The following DIP2A variants were observed in gnomAD, a reference collection of about 807,000 sequenced individuals.
DIP2A encodes disco-interacting protein 2 homolog A.
A neutral mutation model predicts 177.4 loss-of-function variants in DIP2A; 85 were observed. The observed-to-expected ratio is 0.48, with a 90% CI of 0.40 to 0.57. The LOEUF (loss-of-function observed/expected upper bound fraction) is 0.57. DIP2A is among the 20% of genes least tolerant of loss of function. The pLI is 0.00. For synonymous variants in DIP2A, 886 were observed against 881.8 expected, an observed-to-expected ratio of 1.00 and a Z score of -0.08; for missense variants, 1,791 against 2,100.2, an observed-to-expected ratio of 0.85 and a Z score of 2.88.
chr21:46,580,043 G>T, the DIP2A span, among the ~76,000 whole-genome samples: 2 of 152,192 alleles, frequency 1.3e-5, no homozygotes, highest in African/African-American at 4.8e-5. Flanking sequence ...AATATTGACA[G>T]TGGGGTGTTA....
intron 21 of DIP2A, among the ~76,000 whole-genome samples, chr21:46,547,568 CAAGCTCCTTGTCTGGGAGG>C (rs899149407): frequency 1.3e-5 from 2 of 151,858 alleles, no homozygotes; most frequent in Non-Finnish European, 1.5e-5. Context: ...CTTCTACTCC[CAAGCTCCTTGTCTGGGAGG>C]AAGCTCTTCC....
At chr21:46,466,592 C>T (rs908314608) in intron 1 of DIP2A, among the ~76,000 whole-genome samples, 1 of 151,700 alleles carries the variant, frequency 6.6e-6, no homozygotes, top group African/African-American at 2.4e-5. Context: ...GTGATCCGCC[C>T]GCATTGATCT....
intron 6 of DIP2A, among the ~76,000 whole-genome samples, chr21:46,508,484 G>A (rs899198699): frequency 1.4e-5 from 2 of 146,244 alleles, no homozygotes; most frequent in African/African-American, 2.5e-5. Flanking sequence ...TCAGCCTCCC[G>A]AGTAGCTGGG....
chr21:46,565,718 G>T lies in DIP2A; in HGVS notation c.4170G>T (p.Trp1390Cys). The T allele has an allele frequency of 1.2e-6, 2 of 1,613,486 alleles. No homozygotes were observed. Among genetic ancestry groups the T allele is most frequent in the Non-Finnish European group, 1.7e-6 (2 of 1,179,624 alleles). ...PLGDSHLGEI[W>C]VSSPHNATGY... The stretch of plus-strand genomic sequence containing the variant: ...TTGTCCTCTGGGCCCACCAGATCTG[G>T]GTAAGCAGCCCCCACAATGCCACCG... Residue 1390 changes from tryptophan to cysteine, a missense_variant, in exon 36 of 38, where the codon TGG becomes TGT. Transcript: ENST00000417564.
chr21:46,553,372 CT>C (rs2060341401), intron 25 of DIP2A: 1 of 152,252 alleles, frequency 6.6e-6, no homozygotes, highest in African/African-American at 2.4e-5. Flanking sequence ...CTGAATTGCA[CT>C]TTTTATCTTC....
chr21:46,542,533 G>T (rs2059859620), intron 18 of DIP2A, among the ~76,000 whole-genome samples: 2 of 152,262 alleles, frequency 1.3e-5, no homozygotes. Context: ...TGCAGAAGTT[G>T]GCTCTGTAGG....
At position 46,498,456 on chromosome 21, in the gene DIP2A, C is replaced by A; in HGVS notation, c.404-126C>A. ...TTTGAGCTGACTGCGTGGCTTTGGG[C>A]AGAGCTGTGCCAGGTGTACAGAAGC... On this transcript the variant is annotated intron_variant, in intron 4 of 37. Coordinates refer to ENST00000417564, the MANE Select transcript of DIP2A (RefSeq NM_015151.4). The surrounding 1 kb of genome is among the most constrained non-coding windows in gnomAD (Gnocchi z 4.3). The A allele has an allele frequency of 8.3e-7, 1 of 1,204,442 alleles. No individual in the cohort carries two copies. The highest frequency in any genetic ancestry group is 1.2e-6 in the Non-Finnish European group (1 of 859,536). 74.6% of individuals were successfully genotyped at this position (1,204,442 alleles called of 1,614,324 possible).
downstream of DIP2A, among the ~76,000 whole-genome samples, chr21:46,571,571 C>T (rs9982112): frequency 0.13 from 20,264 of 152,010 alleles, 1,885 homozygotes; most frequent in African/African-American, 0.27. Flanking sequence ...CTCTCCTATT[C>T]CCTTGTGCAG....
At chr21:46,531,222 G>A (rs774627886) in intron 9 of DIP2A, among the ~76,000 whole-genome samples, 6 of 152,050 alleles carry the variant, frequency 3.9e-5, no homozygotes, top group South Asian at 2.1e-4. Flanking sequence ...CAGGAGAACC[G>A]AGACCCTCAG....
In DIP2A at chr21:46,537,088, G is replaced by T; in HGVS notation, c.1643-136G>T. The T allele has an allele frequency of 1.2e-6, 1 of 804,442 alleles. No homozygotes were observed. Among genetic ancestry groups the T allele is most frequent in the Non-Finnish European group, 2.2e-6 (1 of 456,286 alleles). The allele number at this position is 804,442 out of a possible 1,614,324, so 49.8% of individuals were successfully genotyped here. On this transcript the variant is annotated intron_variant, in intron 13 of 37. Coordinates refer to ENST00000417564, the MANE Select transcript of DIP2A (RefSeq NM_015151.4). The surrounding 1 kb of genome is among the most constrained non-coding windows in gnomAD (Gnocchi z 4.1). ...AACCAGGATTATTATTAATTGGTATGTGGTATTTGGAAATGCTGTATCTGT... is the reference window on the plus strand; with the variant it reads ...AACCAGGATTATTATTAATTGGTATTTGGTATTTGGAAATGCTGTATCTGT...
rs200409878 is a variant in DIP2A, at chr21:46,547,039, G to C, written c.2519G>C (p.Gly840Ala). 2.5e-6 allele frequency: 4 copies of C among 1,613,808 alleles called. No individual in the cohort carries two copies. In the Admixed American group the frequency reaches 5.0e-5, roughly 20 times the overall value. ...GAGCCCATGAAGTTTGTCTACAGAG[G>C]CAGGTGATGCGCTGCGGACCCCCAC... ...AVEPMKFVYR[G>A]RIAVFSVTVL... is the part of the protein sequence containing the mutation. The change falls in exon 21 of 38, where the codon GGC becomes GCC. Residue 840 changes from glycine to alanine, a missense_variant. Transcript: ENST00000417564.
At chr21:46,528,118 G>A (rs553133320) in intron 8 of DIP2A, among the ~76,000 whole-genome samples, 21 of 152,262 alleles carry the variant, frequency 1.4e-4, no homozygotes, top group African/African-American at 4.8e-4. Context: ...GTAAAGAATG[G>A]ATGGCATTGA....
chr21:46,473,596 A>C (rs962042976), intron 1 of DIP2A, among the ~76,000 whole-genome samples: 1 of 151,956 alleles, frequency 6.6e-6, no homozygotes, highest in African/African-American at 2.4e-5. Context: ...GCTCACTGCA[A>C]CCTCCGCCTC....
intron 1 of DIP2A, among the ~76,000 whole-genome samples, chr21:46,460,750 A>G (rs1301719742): frequency 2.6e-5 from 4 of 151,758 alleles, no homozygotes; most frequent in Non-Finnish European, 5.9e-5. Context: ...CTGGAGTGCA[A>G]TGGCGTGATC....
At chr21:46,514,002 G>C (rs2058431203) in intron 8 of DIP2A, among the ~76,000 whole-genome samples, 1 of 152,052 alleles carries the variant, frequency 6.6e-6, no homozygotes, top group African/African-American at 2.4e-5. Context: ...TGTCAGTAAT[G>C]TTTTTATACT....
At chr21:46,547,132 C>A in intron 21 of DIP2A, 90 bp downstream of exon 21, 1 of 1,524,358 alleles carries the variant, frequency 6.6e-7, no homozygotes, top group South Asian at 1.3e-5. Flanking sequence ...GCCCAGCAAA[C>A]TTGAATTCAC....
intron 3 of DIP2A, among the ~76,000 whole-genome samples, chr21:46,492,261 A>G (rs2057057304): frequency 6.6e-6 from 1 of 152,238 alleles, no homozygotes; most frequent in Non-Finnish European, 1.5e-5. Flanking sequence ...CTTTCTCCAG[A>G]GAATTCCCTT....
chr21:46,554,855 G>A lies in DIP2A; in HGVS notation c.3310G>A (p.Ala1104Thr), dbSNP rs1364213769. The change falls in exon 28 of 38, where the codon GCT (alanine) becomes ACT (threonine). Residue 1104 changes from alanine (A) to threonine (T), a missense_variant. Transcript: ENST00000417564. ...GTCTGCATGCGTCCTCACCACGCAG[G>A]CTGTCACACGGCTGCTCAGGTCCAA... ...SKSACVLTTQ[A>T]VTRLLRSKEA... 2 of 1,487,658 alleles carry A rather than the reference G, an allele frequency of 1.3e-6. No homozygotes were observed. The highest frequency in any genetic ancestry group is 1.8e-6 in the Non-Finnish European group (2 of 1,108,464). The allele number at this position is 1,487,658 out of a possible 1,614,324, so 92.2% of individuals were successfully genotyped here.
chr21:46,489,418 G>C (rs1317350501), intron 2 of DIP2A, among the ~76,000 whole-genome samples: 1 of 152,166 alleles, frequency 6.6e-6, no homozygotes, highest in Non-Finnish European at 1.5e-5. Flanking sequence ...GGAGACTCCT[G>C]CTGCCGAGCA....
Sources: allele counts gnomAD v4.1 joint callset (sites outside exome capture counted in the v4.1 genomes callset), GRCh38; gene constraint gnomAD v4.1.1; non-coding constraint Gnocchi (gnomAD v3.1); transcripts MANE v1.5; gene names NCBI Gene and HGNC (gene_info 2026-07-23, HGNC 2026-07-21).